CARM1: variants seen among roughly 807,000 people sequenced by gnomAD.
CARM1 encodes the protein coactivator associated arginine methyltransferase 1.
In CARM1, 14 loss-of-function variants were observed where a neutral mutation model predicts 72.7. The observed-to-expected ratio is 0.19, with a 90% CI of 0.13 to 0.30. The LOEUF (loss-of-function observed/expected upper bound fraction) is 0.30. Among genes scored for constraint, CARM1 ranks in the 10% least tolerant of loss-of-function variants. CARM1 has a pLI of 1.00. For missense variants in CARM1, 432 were observed against 833.7 expected (o/e 0.52, Z 5.93); for synonymous variants, 333 against 345.5 (o/e 0.96, Z 0.40).
chr19:10,895,215 G>A (rs1241840601), intron 1 of CARM1, among the ~76,000 whole-genome samples: 1 of 151,964 alleles, frequency 6.6e-6, no homozygotes, highest in Non-Finnish European at 1.5e-5. Flanking sequence ...AATTATTCTC[G>A]TGCCTCAGCC....
At chr19:10,919,560 G>A (rs377099501) in intron 8 of CARM1, 35 bp from the exon 9 acceptor site, 12 of 1,516,646 alleles carry the variant, frequency 7.9e-6, no homozygotes, top group Middle Eastern at 1.7e-4. Flanking sequence ...TGGCCCTGGC[G>A]TCAGATGCCA....
rs1039940407 is a variant in CARM1, at chr19:10,922,057, G to A, written c.*300G>A. On this transcript the variant is annotated 3_prime_UTR_variant, in exon 16 of 16. Coordinates refer to ENST00000327064, the MANE Select transcript of CARM1 (RefSeq NM_199141.2). ...GGGCTTGTCATCTGCTGGAACAGGC[G>A]CCATGGGGCCTGCCAGCCCTGCCTG... The A allele has an allele frequency of 8.4e-5, 21 of 250,996 alleles. No homozygotes were observed. The highest frequency in any genetic ancestry group is 2.7e-4 in the African/African-American group (12 of 44,598). 15.5% of individuals were successfully genotyped at this position (250,996 alleles called of 1,614,324 possible). A position where few individuals can be genotyped will look rare whatever the true frequency, so the allele number is the denominator to read the frequency against.
intron 1 of CARM1, among the ~76,000 whole-genome samples, chr19:10,900,809 G>A (rs1212125338): frequency 1.3e-5 from 2 of 151,728 alleles, no homozygotes; most frequent in South Asian, 2.1e-4. Flanking sequence ...TCAGCCTCCC[G>A]AGTAGCTGGG....
At chr19:10,875,534 C>T (rs1254094456) in intron 1 of CARM1, among the ~76,000 whole-genome samples, 4 of 152,060 alleles carry the variant, frequency 2.6e-5, no homozygotes, top group Non-Finnish European at 5.9e-5. Context: ...AGGCCATTCT[C>T]CTGCCTCAGC....
In CARM1 at chr19:10,898,057, A is replaced by G. The variant is rs376173012; in HGVS notation, c.221-6894A>G. Among the ~76,000 whole-genome samples, 4 of 151,854 alleles carry G rather than the reference A, an allele frequency of 2.6e-5. No homozygotes were observed. In the East Asian group the frequency reaches 5.8e-4, roughly 22 times the overall value. On this transcript the variant is annotated intron_variant, in intron 1 of 15. Coordinates refer to ENST00000327064, the MANE Select transcript of CARM1 (RefSeq NM_199141.2). The stretch of plus-strand genomic sequence containing the variant: ...CAGGGAGTGGAGCCTGCAGTGAGCC[A>G]AGATTGCGCCACTGCACTCCAGCCT...
chr19:10,889,315 A>AT lies in CARM1; in HGVS notation c.221-15619dup, dbSNP rs1229574072. Among the ~76,000 whole-genome samples the AT allele has an allele frequency of 7.4e-3, 1,021 of 138,538 alleles. 8 individuals carry two copies. Among genetic ancestry groups the AT allele is most frequent in the African/African-American group, 0.019 (715 of 37,822 alleles). The allele number at this position is 138,538 out of a possible 152,430, so 90.9% of individuals were successfully genotyped here. On this transcript the variant is annotated intron_variant, in intron 1 of 15. Coordinates refer to ENST00000327064, the MANE Select transcript of CARM1 (RefSeq NM_199141.2). ...TGTCCTGTCACTGCGCAATTTGAGA[A>AT]TTTTTTTTTTTTTTTTTGAGACAGA...
At position 10,896,135 on chromosome 19, in the gene CARM1, G is replaced by GAGGT. The variant is rs892718445; in HGVS notation, c.221-8815_221-8812dup. On this transcript the variant is annotated intron_variant, in intron 1 of 15. Coordinates refer to ENST00000327064, the MANE Select transcript of CARM1 (RefSeq NM_199141.2). The surrounding 1 kb of genome is among the most constrained non-coding windows in gnomAD (Gnocchi z 5.2). Reference sequence around the variant, plus strand: ...CTGTGCGGCTTGAAGGGTGGACTGGGAGGTGACTGAGGCATGGTATGTCGC... The same window carrying GAGGT: ...CTGTGCGGCTTGAAGGGTGGACTGGGAGGTAGGTGACTGAGGCATGGTATGTCGC... 5.9e-5 allele frequency among the ~76,000 whole-genome samples: 9 copies of GAGGT among 152,020 alleles called. No homozygotes were observed. The highest frequency in any genetic ancestry group is 1.5e-5 in the Non-Finnish European group (1 of 67,984).
intron 1 of CARM1, among the ~76,000 whole-genome samples, chr19:10,872,958 G>A (rs930653785): frequency 6.6e-6 from 1 of 152,174 alleles, no homozygotes; most frequent in African/African-American, 2.4e-5. Flanking sequence ...CCGAGGAGCA[G>A]TCCGTTCACA....
At chr19:10,911,930 C>G (rs923815323) in intron 4 of CARM1, among the ~76,000 whole-genome samples, 1 of 152,216 alleles carries the variant, frequency 6.6e-6, no homozygotes, top group Non-Finnish European at 1.5e-5. Context: ...CCGTGCCACT[C>G]ACCCCAGACG....
intron 1 of CARM1, among the ~76,000 whole-genome samples, chr19:10,889,079 C>T (rs1245341147): frequency 6.6e-6 from 1 of 152,172 alleles, no homozygotes; most frequent in Non-Finnish European, 1.5e-5. Context: ...AGGGGGCTTT[C>T]TCCAGAGCCC....
intron 2 of CARM1, 51 bp downstream of exon 2, chr19:10,905,127 C>T: frequency 6.3e-7 from 1 of 1,599,182 alleles, no homozygotes; most frequent in Non-Finnish European, 8.5e-7. Context: ...GCGCCCAGAG[C>T]CCTGGTGGGC....
rs114709931 is a variant in CARM1, at chr19:10,887,042, G to A, written c.220+15120G>A. Among the ~76,000 whole-genome samples, 443 of 152,240 alleles carry A rather than the reference G, an allele frequency of 2.9e-3. 1 individual carries two copies. Among genetic ancestry groups the A allele is most frequent in the African/African-American group, 0.01 (431 of 41,570 alleles). ...CTGCAGGGGGGCACCACCATGCCCAGCTCACTCCCTAATTTGTATAAGAGG... is the reference window on the plus strand; with the variant it reads ...CTGCAGGGGGGCACCACCATGCCCAACTCACTCCCTAATTTGTATAAGAGG... On this transcript the variant is annotated intron_variant, in intron 1 of 15. Coordinates refer to ENST00000327064, the MANE Select transcript of CARM1 (RefSeq NM_199141.2).
intron 1 of CARM1, among the ~76,000 whole-genome samples, chr19:10,875,466 C>T (rs2073856156): frequency 6.6e-6 from 1 of 151,910 alleles, no homozygotes; most frequent in African/African-American, 2.4e-5. Flanking sequence ...GCTCTGTCAC[C>T]CAGGCTGAAG....
intron 6 of CARM1, among the ~76,000 whole-genome samples, chr19:10,914,746 G>C (rs2074181682): frequency 6.6e-6 from 1 of 152,168 alleles, no homozygotes; most frequent in South Asian, 2.1e-4. Flanking sequence ...AGTAGAGATG[G>C]GGTTTCACCG....
chr19:10,879,490 C>T (rs2073886345), intron 1 of CARM1, among the ~76,000 whole-genome samples: 1 of 152,146 alleles, frequency 6.6e-6, no homozygotes, highest in Admixed American at 6.5e-5. Context: ...AAGGACGTTT[C>T]TGGGTTATGG....
rs765232602 is a variant in CARM1, at chr19:10,909,192, C to T, written c.543C>T (p.Thr181=). Residue 181 remains threonine, a synonymous_variant, in exon 4 of 16, where the codon ACC becomes ACT. Transcript: ENST00000327064. ...AGCGCGCCATCCTGCAAAACCACAC[C>T]GACTTCAAGGACAAGGTGAGTGGCC... ...TYQRAILQNH[T]DFKDKIVLDV... 1.8e-5 allele frequency: 29 copies of T among 1,612,798 alleles called. No individual in the cohort carries two copies. In the Admixed American group the frequency reaches 1.8e-4, roughly 10 times the overall value.
intron 1 of CARM1, among the ~76,000 whole-genome samples, chr19:10,879,053 C>T (rs1599683292): frequency 6.6e-6 from 1 of 152,088 alleles, no homozygotes; most frequent in African/African-American, 2.4e-5. Flanking sequence ...GTGATCCACC[C>T]GCCTCGGCCT....
At chr19:10,899,570 C>A (rs1035865693) in intron 1 of CARM1, among the ~76,000 whole-genome samples, 1 of 152,060 alleles carries the variant, frequency 6.6e-6, no homozygotes, top group Admixed American at 6.6e-5. Context: ...TTCCTCCATG[C>A]CCTGCCCTCA....
At chr19:10,914,077 G>T (rs2074175799) in intron 6 of CARM1, 23 bp downstream of exon 6, 1 of 1,595,108 alleles carries the variant, frequency 6.3e-7, no homozygotes, top group East Asian at 2.3e-5. Flanking sequence ...GGGTACACAG[G>T]CCAGGCCCCT....
Sources: allele counts gnomAD v4.1 joint callset (sites outside exome capture counted in the v4.1 genomes callset), GRCh38; gene constraint gnomAD v4.1.1; non-coding constraint Gnocchi (gnomAD v3.1); transcripts MANE v1.5; gene names NCBI Gene and HGNC (gene_info 2026-07-23, HGNC 2026-07-21).